Variants in PPP3CC observed in about 807,000 individuals in gnomAD.
The protein encoded by PPP3CC is protein phosphatase 3 catalytic subunit gamma, also known as serine/threonine-protein phosphatase 2B catalytic subunit gamma isoform.
PPP3CC carries 35 observed loss-of-function variants against 60.3 expected under a neutral mutation model. The observed-to-expected ratio is 0.58, with a 90% CI of 0.44 to 0.77. The LOEUF is 0.77. PPP3CC is among the 30% of genes least tolerant of loss of function. PPP3CC has a pLI of 0.00. For missense variants in PPP3CC, 570 were observed against 628.9 expected, an observed-to-expected ratio of 0.91 and a Z score of 1.00; for synonymous variants, 206 against 224.3, an observed-to-expected ratio of 0.92 and a Z score of 0.73.
chr8:22,441,776 A>T (rs932424277), intron 1 of PPP3CC, among the ~76,000 whole-genome samples: 1 of 152,160 alleles, frequency 6.6e-6, no homozygotes, highest in Non-Finnish European at 1.5e-5. Flanking sequence ...ACTCGGGGGA[A>T]GCCATCGGGG....
intron 6 of PPP3CC, among the ~76,000 whole-genome samples, chr8:22,519,386 T>C (rs1839343259): frequency 6.6e-6 from 1 of 152,246 alleles, no homozygotes; most frequent in African/African-American, 2.4e-5. Flanking sequence ...AGGTAAGGAC[T>C]TACTATTACC....
intron 6 of PPP3CC, among the ~76,000 whole-genome samples, chr8:22,518,355 C>G (rs1012636871): frequency 1.3e-5 from 2 of 152,180 alleles, no homozygotes; most frequent in African/African-American, 4.8e-5. Context: ...AATAGTTGTT[C>G]AAAAGTGTGG....
rs545910337 is a variant in PPP3CC at position 22,528,549 on chromosome 8, C to A, written c.1113C>A (p.Asp371Glu). The change falls in exon 10 of 14, where the codon GAC (aspartate) becomes GAA (glutamate). Residue 371 changes from aspartate to glutamate, a missense_variant. Physicochemically the swap from Asp to Glu is conservative, Grantham distance 45. Coordinates refer to ENST00000240139, the MANE Select transcript of PPP3CC (RefSeq NM_005605.5). ...ATGTGCTCAACATATGCTCTGATGA[C>A]GAACTGATTTCTGATGATGAAGCAG... ...LVNVLNICSDDELISDDEAEG... is the reference protein window; with the variant it reads ...LVNVLNICSDEELISDDEAEG... The A allele has an allele frequency of 1.4e-5, 22 of 1,563,238 alleles. No homozygotes were observed. In the East Asian group the frequency reaches 3.9e-4, roughly 27 times the overall value.
At chr8:22,493,252 T>C (rs903661795) in intron 3 of PPP3CC, among the ~76,000 whole-genome samples, 5 of 152,206 alleles carry the variant, frequency 3.3e-5, no homozygotes, top group African/African-American at 9.7e-5. Flanking sequence ...CCCAAGCTCC[T>C]TGGACACTGC....
intron 3 of PPP3CC, among the ~76,000 whole-genome samples, chr8:22,481,545 C>CTTT (rs869259358): frequency 1.5e-5 from 2 of 136,484 alleles, no homozygotes; most frequent in South Asian, 2.4e-4. Context: ...GTTTTGTGTT[C>CTTT]TTTTTTTTTT....
chr8:22,466,203 A>G (rs1037414362), intron 1 of PPP3CC, among the ~76,000 whole-genome samples: 6 of 152,186 alleles, frequency 3.9e-5, no homozygotes, highest in Non-Finnish European at 7.3e-5. Context: ...TCCATGGTCT[A>G]TATGTGCCAC....
At chr8:22,463,825 T>A (rs921940938) in intron 1 of PPP3CC, among the ~76,000 whole-genome samples, 4 of 151,896 alleles carry the variant, frequency 2.6e-5, no homozygotes, top group African/African-American at 9.7e-5. Context: ...TCTCTCTTGT[T>A]TCCCAGGCTG....
chr8:22,453,418 T>C (rs184181058), intron 1 of PPP3CC, among the ~76,000 whole-genome samples: 211 of 152,312 alleles, frequency 1.4e-3, no homozygotes, highest in African/African-American at 4.9e-3. Flanking sequence ...GCAAACATTG[T>C]ATAGTGTACA....
intron 4 of PPP3CC, among the ~76,000 whole-genome samples, chr8:22,510,210 A>G (rs1301516337): frequency 7.1e-6 from 1 of 141,560 alleles, no homozygotes; most frequent in African/African-American, 2.6e-5. Flanking sequence ...AAGAGGCCTC[A>G]CTGTGTTGCC....
chr8:22,459,204 C>G (rs759658951), intron 1 of PPP3CC, among the ~76,000 whole-genome samples: 39 of 152,160 alleles, frequency 2.6e-4, no homozygotes, highest in Non-Finnish European at 8.8e-5. Context: ...TCCCAAGTAG[C>G]TGGAATTACA....
At chr8:22,453,343 G>A (rs868300964) in intron 1 of PPP3CC, among the ~76,000 whole-genome samples, 3 of 152,126 alleles carry the variant, frequency 2.0e-5, no homozygotes, top group South Asian at 4.1e-4. Flanking sequence ...ATATAGTCAC[G>A]CTTACATAGT....
intron 1 of PPP3CC, among the ~76,000 whole-genome samples, chr8:22,452,174 C>T (rs1425313487): frequency 2.6e-5 from 4 of 152,136 alleles, no homozygotes; most frequent in Non-Finnish European, 5.9e-5. Context: ...GGACTACAGG[C>T]GTGTGCTGCC....
At chr8:22,474,458 C>G (rs566895488) in intron 1 of PPP3CC, among the ~76,000 whole-genome samples, 1 of 152,090 alleles carries the variant, frequency 6.6e-6, no homozygotes, top group African/African-American at 2.4e-5. Flanking sequence ...AATCCCAGCA[C>G]TTTGGGAGGC....
At chr8:22,520,069 TA>T (rs1839363975) in intron 6 of PPP3CC, among the ~76,000 whole-genome samples, 1 of 151,578 alleles carries the variant, frequency 6.6e-6, no homozygotes, top group African/African-American at 2.4e-5. Context: ...CCTTCATTCT[TA>T]AAGGGCAATT....
chr8:22,494,710 C>T (rs532295412), intron 3 of PPP3CC, among the ~76,000 whole-genome samples: 1 of 152,260 alleles, frequency 6.6e-6, no homozygotes, highest in South Asian at 2.1e-4. Flanking sequence ...CACATGTTGC[C>T]ACCTCAGACC....
At chr8:22,508,507 C>T (rs1838991511) in intron 4 of PPP3CC, among the ~76,000 whole-genome samples, 1 of 152,052 alleles carries the variant, frequency 6.6e-6, no homozygotes, top group Non-Finnish European at 1.5e-5. Flanking sequence ...TAATTTTTGA[C>T]CTCCTGTTTT....
At chr8:22,493,443 A>C (rs938866926) in intron 3 of PPP3CC, among the ~76,000 whole-genome samples, 16 of 152,132 alleles carry the variant, frequency 1.1e-4, no homozygotes, top group Admixed American at 9.2e-4. Context: ...TTAGCTTACA[A>C]GTGGTATTAT....
At position 22,475,582 on chromosome 8, in the gene PPP3CC, C is replaced by G; in HGVS notation, c.330C>G (p.Leu110=). 6.2e-7 allele frequency: 1 copy of G among 1,613,386 alleles called. No homozygotes were observed. Among genetic ancestry groups the G allele is most frequent in the Non-Finnish European group, 8.5e-7 (1 of 1,179,478 alleles). ...GATCACCTAGTAACACACGCTACCT[C>G]TTTCTGGGTGACTATGTGGACAGAG... ...VGGSPSNTRY[L]FLGDYVDRGY... Residue 110 remains leucine, a synonymous_variant, in exon 3 of 14, where the codon CTC becomes CTG. Coordinates refer to ENST00000240139, the MANE Select transcript of PPP3CC (RefSeq NM_005605.5).
chr8:22,532,299 A>G lies in PPP3CC; in HGVS notation c.1216A>G (p.Ile406Val), dbSNP rs752089192. Residue 406 changes from isoleucine to valine, a missense_variant, in exon 11 of 14, where the codon ATT becomes GTT. Physicochemically the swap from Ile to Val is conservative, Grantham distance 29. Transcript: ENST00000240139. ...AIGKMARVFS[I>V]LRQESESVLT... ...TGGGAAGATGGCACGGGTCTTTTCAATTCTTCGGTAAGGATGTCTGTCATT... is the reference window on the plus strand; with the variant it reads ...TGGGAAGATGGCACGGGTCTTTTCAGTTCTTCGGTAAGGATGTCTGTCATT... 1.6e-5 allele frequency: 26 copies of G among 1,609,994 alleles called. No individual in the cohort carries two copies. The highest frequency in any genetic ancestry group is 2.2e-5 in the East Asian group (1 of 44,858).
Sources: allele counts gnomAD v4.1 joint callset (sites outside exome capture counted in the v4.1 genomes callset), GRCh38; gene constraint gnomAD v4.1.1; transcripts MANE v1.5; gene names NCBI Gene and HGNC (gene_info 2026-07-23, HGNC 2026-07-21).